The following ACTR3C variants were observed in gnomAD, a reference collection of about 807,000 sequenced individuals.
ACTR3C encodes the protein actin related protein 3C, also known as actin-related protein 3C.
ACTR3C carries 18 observed loss-of-function variants against 26.3 expected under a neutral mutation model. The ratio of observed to expected loss-of-function variants is 0.68; its 90% CI spans 0.47 to 1.01. The LOEUF (loss-of-function observed/expected upper bound fraction) is 1.01. Among genes scored for constraint, ACTR3C ranks in the 50% least tolerant of loss-of-function variants. The pLI is 0.00. For synonymous variants in ACTR3C, 55 were observed against 94.5 expected (o/e 0.58, Z 2.42); for missense variants, 184 against 250.7 (o/e 0.73, Z 1.80).
chr7:150,000,209 T>G, the ACTR3C span, among the ~76,000 whole-genome samples: 1 of 152,074 alleles, frequency 6.6e-6, no homozygotes, highest in Non-Finnish European at 1.5e-5. Flanking sequence ...TTATGAAATA[T>G]TTTATTATGC....
At chr7:150,317,269 C>T (rs955564603) in intron 1 of ACTR3C, among the ~76,000 whole-genome samples, 27 of 152,014 alleles carry the variant, frequency 1.8e-4, no homozygotes, top group African/African-American at 5.8e-4. Context: ...AGGCTGGTCT[C>T]GAACTTATGG....
At chr7:149,976,297 G>C in the ACTR3C span, among the ~76,000 whole-genome samples, 2 of 152,094 alleles carry the variant, frequency 1.3e-5, no homozygotes, top group Non-Finnish European at 2.9e-5. Context: ...ATAGATGGCC[G>C]GGCGCGGTGG....
At chr7:150,034,435 C>T in the ACTR3C span, among the ~76,000 whole-genome samples, 1 of 151,456 alleles carries the variant, frequency 6.6e-6, no homozygotes, top group Admixed American at 6.6e-5. Context: ...TCATGAAAAA[C>T]TTGCTGTTGT....
chr7:150,135,405 T>C, the ACTR3C span, among the ~76,000 whole-genome samples: 26 of 152,242 alleles, frequency 1.7e-4, no homozygotes, highest in Non-Finnish European at 2.6e-4. Context: ...CTTGGCTTCA[T>C]GCTCAGTGGC....
At chr7:150,068,676 G>A in the ACTR3C span, among the ~76,000 whole-genome samples, 5 of 150,296 alleles carry the variant, frequency 3.3e-5, no homozygotes, top group Admixed American at 2.0e-4. Context: ...CCAGCTACTC[G>A]GGAGGCTGAG....
At chr7:149,980,197 T>C in the ACTR3C span, among the ~76,000 whole-genome samples, 2 of 152,190 alleles carry the variant, frequency 1.3e-5, no homozygotes, top group African/African-American at 4.8e-5. Context: ...TAAAGGTAGA[T>C]TGGTCAAATA....
the ACTR3C span, among the ~76,000 whole-genome samples, chr7:149,994,441 AC>A: frequency 6.6e-6 from 1 of 152,124 alleles, no homozygotes; most frequent in African/African-American, 2.4e-5. Context: ...CTACAAAAAT[AC>A]AAAAATTAGC....
At chr7:150,124,400 C>T in the ACTR3C span, among the ~76,000 whole-genome samples, 1 of 152,154 alleles carries the variant, frequency 6.6e-6, no homozygotes, top group South Asian at 2.1e-4. Flanking sequence ...TTACTTTAAA[C>T]CAGGGTTGGC....
chr7:150,015,100 T>C, the ACTR3C span, among the ~76,000 whole-genome samples: 19,487 of 152,132 alleles, frequency 0.13, 1,529 homozygotes, highest in South Asian at 0.2. Flanking sequence ...GGTGAAAGTA[T>C]ATATTAAATA....
chr7:150,118,276 C>A, the ACTR3C span, among the ~76,000 whole-genome samples: 4 of 152,072 alleles, frequency 2.6e-5, no homozygotes, highest in African/African-American at 9.6e-5. Flanking sequence ...TGGATAATAA[C>A]AAAATCCTCT....
At chr7:150,090,837 G>A in the ACTR3C span, among the ~76,000 whole-genome samples, 1 of 152,178 alleles carries the variant, frequency 6.6e-6, no homozygotes. Context: ...TCATGCTTGG[G>A]TTATATAATT....
the ACTR3C span, among the ~76,000 whole-genome samples, chr7:150,207,667 A>G: frequency 1.3e-5 from 2 of 152,070 alleles, no homozygotes; most frequent in African/African-American, 4.8e-5. Flanking sequence ...CTGTTGCAAG[A>G]TGAAATAAGG....
At chr7:150,046,398 CAG>C in the ACTR3C span, among the ~76,000 whole-genome samples, 3 of 127,016 alleles carry the variant, frequency 2.4e-5, no homozygotes, top group Admixed American at 1.0e-4. Flanking sequence ...AAATATGAAA[CAG>C]GGAAACAGCA....
At chr7:150,003,355 T>TGTGGTGTGGTAC in the ACTR3C span, among the ~76,000 whole-genome samples, 8 of 150,170 alleles carry the variant, frequency 5.3e-5, no homozygotes, top group Non-Finnish European at 8.8e-5. Flanking sequence ...ATGTGTGGTA[T>TGTGGTGTGGTAC]GTGGTGTGTG....
the ACTR3C span, among the ~76,000 whole-genome samples, chr7:150,036,706 T>A: frequency 1.4e-5 from 2 of 138,164 alleles, 1 homozygote; most frequent in Non-Finnish European, 3.4e-5. Context: ...TTCTTTCTGT[T>A]CCCGAGCTGG....
chr7:149,947,891 T>C, the ACTR3C span, among the ~76,000 whole-genome samples: 1 of 150,664 alleles, frequency 6.6e-6, no homozygotes, highest in Admixed American at 6.5e-5. Context: ...CTCTGCCTCC[T>C]GCTTTCTAGC....
chr7:149,912,837 A>C, the ACTR3C span, among the ~76,000 whole-genome samples: 291 of 152,044 alleles, frequency 1.9e-3, no homozygotes, highest in African/African-American at 3.8e-3. Context: ...CTATGAGATC[A>C]TTACCCTCCT....
chr7:150,018,939 A>T, the ACTR3C span, among the ~76,000 whole-genome samples: 10 of 150,286 alleles, frequency 6.7e-5, no homozygotes, highest in Admixed American at 6.6e-4. Context: ...GTACATATGC[A>T]CTGAAGTTTG....
chr7:150,038,847 G>T, the ACTR3C span, among the ~76,000 whole-genome samples: 1 of 138,100 alleles, frequency 7.2e-6, no homozygotes. Flanking sequence ...GCCAGTGGGG[G>T]AACCAGGGGC....
Sources: allele counts gnomAD v4.1 joint callset (sites outside exome capture counted in the v4.1 genomes callset), GRCh38; gene constraint gnomAD v4.1.1; transcripts MANE v1.5; gene names NCBI Gene and HGNC (gene_info 2026-07-23, HGNC 2026-07-21).